BAALC: variants seen among roughly 807,000 people sequenced by gnomAD.
BAALC encodes the protein brain and acute leukemia cytoplasmic protein.
BAALC carries 9 observed loss-of-function variants against 15.5 expected under a neutral mutation model. That is an observed-to-expected ratio of 0.58 (90% CI 0.35 to 1.02). The LOEUF is 1.02. BAALC is among the 50% of genes least tolerant of loss of function. The pLI, the probability that BAALC is intolerant of heterozygous loss-of-function variation, is 0.02. For missense variants in BAALC, 201 were observed against 192.4 expected (o/e 1.04, Z -0.27); for synonymous variants, 80 against 74.6 (o/e 1.07, Z -0.37).
intron 1 of BAALC, among the ~76,000 whole-genome samples, chr8:103,196,486 G>A (rs1240778641): frequency 6.6e-6 from 1 of 151,972 alleles, no homozygotes; most frequent in African/African-American, 2.4e-5. Context: ...TTGCCATGTT[G>A]CCCACACTGG....
At chr8:103,172,789 T>C (rs1811526882) in intron 1 of BAALC, among the ~76,000 whole-genome samples, 2 of 152,210 alleles carry the variant, frequency 1.3e-5, no homozygotes, top group Admixed American at 1.3e-4. Context: ...TTCACAGATG[T>C]AGGGATTAAA....
intron 1 of BAALC, among the ~76,000 whole-genome samples, chr8:103,158,672 A>T (rs1037305410): frequency 9.3e-5 from 13 of 140,386 alleles, no homozygotes; most frequent in African/African-American, 3.3e-4. Context: ...CAATACATAT[A>T]TACAATACAT....
intron 1 of BAALC, among the ~76,000 whole-genome samples, chr8:103,154,057 G>A (rs1322537069): frequency 6.6e-6 from 1 of 152,162 alleles, no homozygotes; most frequent in Non-Finnish European, 1.5e-5. Flanking sequence ...CTTTTCAAGG[G>A]CAGTCTTCAT....
At chr8:103,199,803 C>CTCCCT (rs1812174889) in intron 1 of BAALC, among the ~76,000 whole-genome samples, 1 of 152,126 alleles carries the variant, frequency 6.6e-6, no homozygotes, top group Non-Finnish European at 1.5e-5. Context: ...GATTTTTCCT[C>CTCCCT]CCTCCCACCC....
At chr8:103,161,780 T>G (rs1215360429) in intron 1 of BAALC, among the ~76,000 whole-genome samples, 3 of 152,154 alleles carry the variant, frequency 2.0e-5, no homozygotes, top group Non-Finnish European at 4.4e-5. Context: ...GCCCTGCCAG[T>G]AGGGTAGATT....
chr8:103,197,647 G>A (rs1260285157), intron 1 of BAALC, among the ~76,000 whole-genome samples: 1 of 152,166 alleles, frequency 6.6e-6, no homozygotes, highest in African/African-American at 2.4e-5. Context: ...AGGCTTTACA[G>A]AAAGCATGGT....
intron 1 of BAALC, among the ~76,000 whole-genome samples, chr8:103,160,975 A>G (rs1811211636): frequency 6.6e-6 from 1 of 152,188 alleles, no homozygotes; most frequent in South Asian, 2.1e-4. Flanking sequence ...ACCCAGGATC[A>G]ATACTTTGCA....
At position 103,168,561 on chromosome 8, in the gene BAALC, T is replaced by A. The variant is rs866386540; in HGVS notation, c.160+27504T>A. On this transcript the variant is annotated intron_variant, in intron 1 of 2. Transcript: ENST00000309982. ...ATCACTAATTCACATCAAACCCTCC[T>A]CTGGTTGTGTAAATCTCCTTTCAAT... Among the ~76,000 whole-genome samples the A allele has an allele frequency of 7.2e-5, 11 of 152,076 alleles. No individual in the cohort carries two copies. The South Asian group carries it at 2.3e-3, about 32-fold the overall frequency.
At chr8:103,200,725 T>C (rs1812196233) in intron 1 of BAALC, 2 of 700,846 alleles carry the variant, frequency 2.9e-6, no homozygotes, top group Non-Finnish European at 5.2e-6. Flanking sequence ...GCTTGTTCTC[T>C]GCTTCAAAGA....
chr8:103,209,607 A>T (rs1037756385), intron 1 of BAALC, among the ~76,000 whole-genome samples: 2 of 152,022 alleles, frequency 1.3e-5, no homozygotes, highest in Non-Finnish European at 2.9e-5. Context: ...GGACGTATCT[A>T]CCAAAGCCTC....
intron 1 of BAALC, among the ~76,000 whole-genome samples, chr8:103,195,849 A>C (rs1299424794): frequency 6.6e-6 from 1 of 152,210 alleles, no homozygotes; most frequent in East Asian, 1.9e-4. Flanking sequence ...TGAGCAACCC[A>C]GGCATGGAGC....
intron 1 of BAALC, among the ~76,000 whole-genome samples, chr8:103,147,910 A>C (rs968584192): frequency 3.3e-5 from 5 of 152,190 alleles, no homozygotes; most frequent in Non-Finnish European, 7.4e-5. Context: ...AGCTCCTGCT[A>C]GCTTGGCTAC....
intron 1 of BAALC, among the ~76,000 whole-genome samples, chr8:103,144,879 G>T (rs559847445): frequency 3.3e-5 from 5 of 152,126 alleles, no homozygotes; most frequent in African/African-American, 1.2e-4. Flanking sequence ...ACTGGGGCCT[G>T]GTGCTTTATT....
chr8:103,161,635 C>CA (rs1811226635), intron 1 of BAALC, among the ~76,000 whole-genome samples: 1 of 151,870 alleles, frequency 6.6e-6, no homozygotes, highest in Non-Finnish European at 1.5e-5. Flanking sequence ...TAGGTAGATC[C>CA]CTAAAAAGTG....
At chr8:103,162,292 T>C (rs569197100) in intron 1 of BAALC, among the ~76,000 whole-genome samples, 1 of 152,308 alleles carries the variant, frequency 6.6e-6, no homozygotes, top group Admixed American at 6.5e-5. Flanking sequence ...TATTCACTAG[T>C]TGTAAATCTT....
At chr8:103,162,839 T>C (rs1000608737) in intron 1 of BAALC, among the ~76,000 whole-genome samples, 7 of 152,112 alleles carry the variant, frequency 4.6e-5, no homozygotes, top group African/African-American at 1.7e-4. Flanking sequence ...GACACGAGAC[T>C]CCAGGGTCAG....
intron 1 of BAALC, among the ~76,000 whole-genome samples, chr8:103,149,638 C>T (rs376310974): frequency 3.3e-5 from 5 of 152,022 alleles, no homozygotes; most frequent in African/African-American, 1.2e-4. Context: ...CTTGGAAGCT[C>T]AAAAACCAAG....
At chr8:103,169,404 T>C (rs900885099) in intron 1 of BAALC, among the ~76,000 whole-genome samples, 1 of 152,190 alleles carries the variant, frequency 6.6e-6, no homozygotes, top group African/African-American at 2.4e-5. Flanking sequence ...GTCTATTTTG[T>C]TGGTCTTTCT....
chr8:103,201,678 G>A (rs1300865684), intron 1 of BAALC, among the ~76,000 whole-genome samples: 2 of 152,118 alleles, frequency 1.3e-5, no homozygotes, highest in Non-Finnish European at 2.9e-5. Flanking sequence ...ACTAGGCAGA[G>A]ACAGGGAGAA....
Sources: allele counts gnomAD v4.1 joint callset (sites outside exome capture counted in the v4.1 genomes callset), GRCh38; gene constraint gnomAD v4.1.1; transcripts MANE v1.5; gene names NCBI Gene and HGNC (gene_info 2026-07-23, HGNC 2026-07-21).